The following FRMD5 variants were observed in gnomAD, a reference collection of about 807,000 sequenced individuals.
FRMD5 encodes FERM domain-containing protein 5.
A neutral mutation model predicts 69.0 loss-of-function variants in FRMD5; 20 were observed. That is an observed-to-expected ratio of 0.29 (90% CI 0.20 to 0.42). FRMD5 has a LOEUF of 0.42. FRMD5 is among the 10% of genes least tolerant of loss of function. The pLI is 1.00. For synonymous variants in FRMD5, 271 were observed against 260.1 expected, an observed-to-expected ratio of 1.04 and a Z score of -0.40; for missense variants, 595 against 708.6, an observed-to-expected ratio of 0.84 and a Z score of 1.82.
chr15:44,149,905 C>T (rs2077416400), intron 1 of FRMD5, among the ~76,000 whole-genome samples: 1 of 152,074 alleles, frequency 6.6e-6, no homozygotes. Context: ...ATGCAAAAAT[C>T]CTCAACAAAA....
intron 1 of FRMD5, among the ~76,000 whole-genome samples, chr15:44,160,590 C>G (rs192871887): frequency 6.6e-6 from 1 of 152,320 alleles, no homozygotes. Context: ...TGGTGAGCAT[C>G]TTCCTGTATT....
intron 1 of FRMD5, among the ~76,000 whole-genome samples, chr15:44,012,489 G>GT (rs1449110526): frequency 1.3e-5 from 2 of 152,226 alleles, no homozygotes; most frequent in Middle Eastern, 3.4e-3. Flanking sequence ...TTAAATAAGG[G>GT]TAACTGTTCT....
At chr15:44,045,463 C>G (rs1892385097) in intron 1 of FRMD5, among the ~76,000 whole-genome samples, 1 of 152,046 alleles carries the variant, frequency 6.6e-6, no homozygotes, top group Non-Finnish European at 1.5e-5. Flanking sequence ...TACCAAAAGG[C>G]TGATCAACCC....
At chr15:43,885,526 T>C (rs931830269) in intron 11 of FRMD5, 155 bp downstream of exon 11, 10 of 651,352 alleles carry the variant, frequency 1.5e-5, no homozygotes, top group Non-Finnish European at 1.1e-5. Flanking sequence ...AGGAAGGAAA[T>C]AGTAAAAGGG....
intron 1 of FRMD5, among the ~76,000 whole-genome samples, chr15:44,116,360 A>G (rs1336372521): frequency 1.3e-5 from 2 of 151,954 alleles, no homozygotes; most frequent in Non-Finnish European, 2.9e-5. Context: ...CCTGGGCTCA[A>G]GTGATCCCCC....
chr15:43,955,813 A>AT (rs769415364), intron 1 of FRMD5, among the ~76,000 whole-genome samples: 3,293 of 146,206 alleles, frequency 0.023, 101 homozygotes, highest in African/African-American at 0.067. Flanking sequence ...CACTTCAGAG[A>AT]TTTTTTTTTT....
chr15:43,890,272 A>G (rs547250816), intron 8 of FRMD5, among the ~76,000 whole-genome samples: 1 of 152,352 alleles, frequency 6.6e-6, no homozygotes, highest in African/African-American at 2.4e-5. Context: ...TTGGGTTTAC[A>G]TCTATTATTA....
chr15:43,883,817 T>G lies in FRMD5; in HGVS notation c.1029-8A>C. On this transcript the variant is annotated splice_region_variant and splice_polypyrimidine_tract_variant and intron_variant, in intron 12 of 13. Coordinates refer to ENST00000417257, the MANE Select transcript of FRMD5 (RefSeq NM_032892.5). ...CTGGGAACCATCCCTGCTCTGAGGT[T>G]AAAGAAAAAGAACCTTGTTAATTCA... The G allele has an allele frequency of 1.2e-6, 2 of 1,609,198 alleles. No individual in the cohort carries two copies. The highest frequency in any genetic ancestry group is 2.2e-5 in the South Asian group (2 of 90,946).
chr15:44,152,047 T>TA (rs2077455544), intron 1 of FRMD5, among the ~76,000 whole-genome samples: 1 of 152,034 alleles, frequency 6.6e-6, no homozygotes, highest in Non-Finnish European at 1.5e-5. Context: ...CCCTCTCTAC[T>TA]AAAAATACAA....
chr15:44,147,472 CAT>C (rs2077374952), intron 1 of FRMD5, among the ~76,000 whole-genome samples: 1 of 152,052 alleles, frequency 6.6e-6, no homozygotes, highest in Non-Finnish European at 1.5e-5. Context: ...TTTTTGGTTT[CAT>C]ATGAATTTTA....
chr15:44,135,600 G>A (rs1190747219), intron 1 of FRMD5, among the ~76,000 whole-genome samples: 1 of 152,096 alleles, frequency 6.6e-6, no homozygotes, highest in Non-Finnish European at 1.5e-5. Context: ...GGCCAAGGCA[G>A]TGGGGATCAC....
chr15:44,061,001 T>C (rs377044871), intron 1 of FRMD5, among the ~76,000 whole-genome samples: 6 of 152,336 alleles, frequency 3.9e-5, no homozygotes, highest in African/African-American at 1.4e-4. Context: ...TTTCAAACTG[T>C]AACACTCTTC....
At chr15:44,031,307 G>A (rs1404741802) in intron 1 of FRMD5, among the ~76,000 whole-genome samples, 1 of 152,144 alleles carries the variant, frequency 6.6e-6, no homozygotes, top group Non-Finnish European at 1.5e-5. Context: ...ATTTCTCTAT[G>A]AAAATATAAA....
At position 43,952,000 on chromosome 15, in the gene FRMD5, C is replaced by CTGTGTG. The variant is rs367759637; in HGVS notation, c.103-27697_103-27692dup. ...GTGTGTTGTGTGTGTGTGTGTGTGTCTGTGTGTGTGTGTGTGTGTGTGTGT... is the reference window on the plus strand; with the variant it reads ...GTGTGTTGTGTGTGTGTGTGTGTGTCTGTGTGTGTGTGTGTGTGTGTGTGTGTGTGT... On this transcript the variant is annotated intron_variant, in intron 1 of 13. Coordinates refer to ENST00000417257, the MANE Select transcript of FRMD5 (RefSeq NM_032892.5). Among the ~76,000 whole-genome samples, 595 of 123,772 alleles carry CTGTGTG rather than the reference C, an allele frequency of 4.8e-3. 6 individuals are homozygous for CTGTGTG. Among genetic ancestry groups the CTGTGTG allele is most frequent in the African/African-American group, 0.014 (439 of 30,418 alleles). The allele number at this position is 123,772 out of a possible 152,430, so 81.2% of individuals were successfully genotyped here. A position where few individuals can be genotyped will look rare whatever the true frequency, so the allele number is the denominator to read the frequency against.
intron 1 of FRMD5, among the ~76,000 whole-genome samples, chr15:43,991,294 G>A (rs1429529219): frequency 6.6e-6 from 1 of 152,202 alleles, no homozygotes; most frequent in Non-Finnish European, 1.5e-5. Context: ...AGATTATGGA[G>A]TGGAACTCTG....
chr15:43,910,814 T>G (rs2089274799), intron 4 of FRMD5, among the ~76,000 whole-genome samples: 1 of 152,208 alleles, frequency 6.6e-6, no homozygotes, highest in Non-Finnish European at 1.5e-5. Flanking sequence ...CACATGACAC[T>G]TTGAGATAGG....
intron 1 of FRMD5, among the ~76,000 whole-genome samples, chr15:43,933,148 T>C (rs938683938): frequency 6.6e-6 from 1 of 151,776 alleles, no homozygotes; most frequent in South Asian, 2.1e-4. Flanking sequence ...GACAGATGGG[T>C]GGAGAGACAG....
chr15:44,129,711 C>G (rs1191117077), intron 1 of FRMD5, among the ~76,000 whole-genome samples: 1 of 152,074 alleles, frequency 6.6e-6, no homozygotes, highest in Non-Finnish European at 1.5e-5. Flanking sequence ...CTTCTAACAG[C>G]CGTCCACATC....
At chr15:44,197,213 T>C (rs919015473), upstream of FRMD5, among the ~76,000 whole-genome samples, 7 of 148,354 alleles carry the variant, frequency 4.7e-5, no homozygotes, top group African/African-American at 1.5e-4. Context: ...AAAAAAAAAA[T>C]TGATGAACTG....
Sources: allele counts gnomAD v4.1 joint callset (sites outside exome capture counted in the v4.1 genomes callset), GRCh38; gene constraint gnomAD v4.1.1; transcripts MANE v1.5; gene names NCBI Gene and HGNC (gene_info 2026-07-23, HGNC 2026-07-21).